The following DNAAF10 variants were observed in gnomAD, a reference collection of about 807,000 sequenced individuals.
The protein encoded by DNAAF10 is dynein axonemal assembly factor 10, also known as WD repeat domain 92.
In DNAAF10, 28 loss-of-function variants were observed where a neutral mutation model predicts 43.7. The ratio of observed to expected loss-of-function variants is 0.64; its 90% confidence interval spans 0.48 to 0.88. The LOEUF (loss-of-function observed/expected upper bound fraction) is 0.88, where lower values mean the gene tolerates loss of function less well. DNAAF10 is among the 40% of genes least tolerant of loss of function. The probability of loss-of-function intolerance (pLI) is 0.00; values close to 1 mark genes in which losing one functional copy is unlikely to be tolerated. For synonymous variants in DNAAF10, 156 were observed against 157.3 expected (o/e 0.99, Z 0.06); for missense variants, 403 against 439.1 (o/e 0.92, Z 0.73).
At chr2:68,132,681 T>C (rs549534875) in intron 7 of DNAAF10, among the ~76,000 whole-genome samples, 2 of 152,334 alleles carry the variant, frequency 1.3e-5, no homozygotes, top group Non-Finnish European at 2.9e-5. Flanking sequence ...TTAATTGCAT[T>C]ACTACCAAGA....
Position 68,134,397 on chromosome 2 carries a change from T to A in DNAAF10, c.866+305A>T, listed in dbSNP as rs766413445. The stretch of plus-strand genomic sequence containing the variant: ...CCCTTTCCCCATCTTTTAGAGGCAG[T>A]GAGTGTTCTAATCACTTCAAGATAG... On this transcript the variant is annotated intron_variant, in intron 7 of 7. Coordinates refer to ENST00000295121, the MANE Select transcript of DNAAF10 (RefSeq NM_138458.4). 34 of 1,111,484 alleles carry A rather than the reference T, an allele frequency of 3.1e-5. 1 individual carries two copies. Among genetic ancestry groups the A allele is most frequent in the Non-Finnish European group, 7.7e-6 (7 of 912,040 alleles). 68.9% of individuals were successfully genotyped at this position (1,111,484 alleles called of 1,614,324 possible).
At chr2:68,148,248 C>A (rs1222830394) in intron 1 of DNAAF10, among the ~76,000 whole-genome samples, 2 of 152,130 alleles carry the variant, frequency 1.3e-5, no homozygotes, top group African/African-American at 4.8e-5. Flanking sequence ...GGATCTAACA[C>A]AATACCCTCC....
chr2:68,139,832 T>C (rs191866386), intron 4 of DNAAF10, among the ~76,000 whole-genome samples: 50 of 151,972 alleles, frequency 3.3e-4, no homozygotes, highest in Admixed American at 3.1e-3. Flanking sequence ...GAAAATGCTT[T>C]CTACTATATC....
At chr2:68,137,454 T>G in intron 5 of DNAAF10, 21 bp from the exon 6 acceptor site, 1 of 1,599,898 alleles carries the variant, frequency 6.3e-7, no homozygotes, top group Admixed American at 1.7e-5. Context: ...AGAATACTTA[T>G]TATTGGTAGT....
intron 4 of DNAAF10, among the ~76,000 whole-genome samples, chr2:68,139,813 A>G (rs1239599368): frequency 6.6e-6 from 1 of 151,956 alleles, no homozygotes; most frequent in African/African-American, 2.4e-5. Flanking sequence ...CAAAAAAAAA[A>G]AAAGAAAAGA....
chr2:68,141,892 T>C (rs1673189914), intron 3 of DNAAF10, 97 bp from the exon 4 acceptor site: 2 of 967,854 alleles, frequency 2.1e-6, no homozygotes, highest in South Asian at 1.4e-5. Context: ...TACATGGCAA[T>C]ATGACAGATG....
chr2:68,155,862 C>G (rs558498567), intron 1 of DNAAF10, among the ~76,000 whole-genome samples: 4 of 150,936 alleles, frequency 2.7e-5, no homozygotes, highest in African/African-American at 9.8e-5. Context: ...TACGGGAGGC[C>G]GATGTAGGCA....
rs752917866 is a variant in DNAAF10, at chr2:68,130,192, G to C, written c.*1046C>G. The C allele has an allele frequency of 6.8e-6, 1 of 147,738 alleles. No homozygotes were observed. Among genetic ancestry groups the C allele is most frequent in the South Asian group, 2.1e-4 (1 of 4,686 alleles). The allele number at this position is 147,738 out of a possible 1,614,324, so 9.2% of individuals were successfully genotyped here. ...GTCGCCAGGGCTGGAGTGCAGTGGC[G>C]CAATCTCAGCTCACTGCAATCTCCA... is the stretch of plus-strand genomic sequence containing the variant. On this transcript the variant is annotated 3_prime_UTR_variant, in exon 8 of 8. Transcript: ENST00000295121.
At chr2:68,149,956 T>C (rs571912057) in intron 1 of DNAAF10, among the ~76,000 whole-genome samples, 2 of 152,296 alleles carry the variant, frequency 1.3e-5, no homozygotes, top group South Asian at 4.1e-4. Context: ...ACTTGCATCA[T>C]CTATTGACCC....
rs76654887 is a variant in DNAAF10, at chr2:68,153,717, T to C, written c.183+3544A>G. Among the ~76,000 whole-genome samples the C allele has an allele frequency of 5.2e-4, 78 of 151,386 alleles. 1 individual carries two copies. The highest frequency in any genetic ancestry group is 1.7e-3 in the African/African-American group (72 of 41,292). On this transcript the variant is annotated intron_variant, in intron 1 of 7. Transcript: ENST00000295121. ...ACCTATATTTAAAAATTTTTTTCCATTGCACCAGAACAGCCAAACACAATG... is the reference window on the plus strand; with the variant it reads ...ACCTATATTTAAAAATTTTTTTCCACTGCACCAGAACAGCCAAACACAATG...
In DNAAF10 at chr2:68,141,759, T is replaced by C. The variant is rs1267514955; in HGVS notation, c.452A>G (p.Asp151Gly). ...TACAGGTTCCATATTAGCAACAGGA[T>C]CATCTTTTTGCCTTGGGTCCCACAC... is the stretch of plus-strand genomic sequence containing the variant. ...VKVWDPRQKD[D>G]PVANMEPVQG... Residue 151 changes from aspartate to glycine, a missense_variant, in exon 4 of 8, where the codon GAT (aspartate) becomes GGT (glycine). Physicochemically the swap from Asp to Gly is moderately conservative, Grantham distance 94. Transcript: ENST00000295121. The C allele has an allele frequency of 1.9e-6, 3 of 1,614,176 alleles. No individual in the cohort carries two copies. Among genetic ancestry groups the C allele is most frequent in the African/African-American group, 2.7e-5 (2 of 75,054 alleles).
chr2:68,144,507 T>A lies in DNAAF10; in HGVS notation c.415+78A>T. ...GTCAAGGTGACTGAAGGGGATTTTTTACTCAGAGAGGATGTACTGCTGCAT... is the reference window on the plus strand; with the variant it reads ...GTCAAGGTGACTGAAGGGGATTTTTAACTCAGAGAGGATGTACTGCTGCAT... On this transcript the variant is annotated intron_variant, in intron 3 of 7. Transcript: ENST00000295121. 1.9e-6 allele frequency: 3 copies of A among 1,557,386 alleles called. No homozygotes were observed. In the South Asian group the frequency reaches 3.6e-5, roughly 19 times the overall value.
intron 2 of DNAAF10, among the ~76,000 whole-genome samples, chr2:68,146,447 T>G (rs1477235200): frequency 6.6e-6 from 1 of 152,200 alleles, no homozygotes; most frequent in African/African-American, 2.4e-5. Context: ...GAAAGTAAAT[T>G]GGTAATATCT....
At chr2:68,134,055 C>T (rs919471739) in intron 7 of DNAAF10, 13 of 862,934 alleles carry the variant, frequency 1.5e-5, no homozygotes, top group Non-Finnish European at 1.7e-5. Flanking sequence ...TATTGCTTAG[C>T]TAATAAAGTA....
intron 1 of DNAAF10, among the ~76,000 whole-genome samples, chr2:68,147,786 T>C (rs1673357185): frequency 6.6e-6 from 1 of 152,208 alleles, no homozygotes; most frequent in Admixed American, 6.5e-5. Flanking sequence ...GCCTTTCCTC[T>C]CCTCTCACTA....
At position 68,131,208 on chromosome 2, in the gene DNAAF10, G is replaced by A. The variant is rs576467200; in HGVS notation, c.*30C>T. On this transcript the variant is annotated 3_prime_UTR_variant, in exon 8 of 8. Coordinates refer to ENST00000295121, the MANE Select transcript of DNAAF10 (RefSeq NM_138458.4). ...GCTGGGATTACAGGAGTGAGCCACC[G>A]TGCCCAGCCTCAAGTCCAAAGTCTT... 5.1e-4 allele frequency: 819 copies of A among 1,611,198 alleles called. No individual in the cohort carries two copies. The highest frequency in any genetic ancestry group is 6.3e-4 in the Non-Finnish European group (744 of 1,177,806).
At chr2:68,134,593 C>T in intron 7 of DNAAF10, 109 bp downstream of exon 7, 2 of 1,539,372 alleles carry the variant, frequency 1.3e-6, no homozygotes, top group South Asian at 1.3e-5. Context: ...TAAATCATAT[C>T]AAAATGAACT....
intron 7 of DNAAF10, chr2:68,131,906 G>A: frequency 5.7e-6 from 1 of 175,560 alleles, no homozygotes; most frequent in Non-Finnish European, 1.2e-5. Context: ...AAAAACTGAT[G>A]CCAGCTTCTA....
At chr2:68,141,318 T>C (rs1282207025) in intron 4 of DNAAF10, among the ~76,000 whole-genome samples, 2 of 152,236 alleles carry the variant, frequency 1.3e-5, no homozygotes, top group Non-Finnish European at 2.9e-5. Context: ...TGACTTTAAA[T>C]TAGGTCAATA....
Sources: gnomAD v4.1 joint callset for allele counts (sites outside exome capture counted in the v4.1 genomes callset) on GRCh38, gnomAD v4.1.1 for gene constraint, MANE v1.5 for transcripts, NCBI Gene and HGNC (gene_info 2026-07-23, HGNC 2026-07-21) for gene names.